Variants in HYAL4 observed in about 807,000 individuals in gnomAD.
The protein encoded by HYAL4 is hyaluronidase-4.
Under a neutral mutation model 35.2 loss-of-function variants are expected in HYAL4, and 37 were observed. That is an observed-to-expected ratio of 1.05 (90% CI 0.81 to 1.38). The LOEUF is 1.38. Among genes scored for constraint, HYAL4 ranks in the 40% most tolerant of loss-of-function variants. HYAL4 has a pLI of 0.00. For synonymous variants in HYAL4, 198 were observed against 203.2 expected (o/e 0.97, Z 0.22); for missense variants, 572 against 572.4 (o/e 1.00, Z 0.01).
At position 123,868,471 on chromosome 7, in the gene HYAL4, A is replaced by G. The variant is rs768959506; in HGVS notation, c.198A>G (p.Arg66=). 2 of 1,604,402 alleles carry G rather than the reference A, an allele frequency of 1.2e-6. No homozygotes were observed. Among genetic ancestry groups the G allele is most frequent in the Non-Finnish European group, 1.7e-6 (2 of 1,177,660 alleles). Residue 66 remains arginine (R), a synonymous_variant, in exon 3 of 5, where the codon AGA becomes AGG. Coordinates refer to ENST00000223026, the MANE Select transcript of HYAL4 (RefSeq NM_012269.3). ...AGTGTTTGATAAAATATAATTTAAGACTAAATTTGAAAATGTTTCCTGTGA... is the reference window on the plus strand; with the variant it reads ...AGTGTTTGATAAAATATAATTTAAGGCTAAATTTGAAAATGTTTCCTGTGA... ...TDQCLIKYNL[R]LNLKMFPVIG...
the HYAL4 span, among the ~76,000 whole-genome samples, chr7:123,799,292 GA>G: frequency 6.6e-6 from 1 of 151,640 alleles, no homozygotes; most frequent in African/African-American, 2.4e-5. Flanking sequence ...AATACAATCA[GA>G]AAAAAATTAA....
At chr7:123,794,007 CTTG>C in the HYAL4 span, among the ~76,000 whole-genome samples, 1 of 152,190 alleles carries the variant, frequency 6.6e-6, no homozygotes, top group Non-Finnish European at 1.5e-5. Context: ...TTCCTAGAAA[CTTG>C]TTGAATAGTT....
chr7:123,784,516 T>C, the HYAL4 span, among the ~76,000 whole-genome samples: 3 of 152,152 alleles, frequency 2.0e-5, no homozygotes, highest in African/African-American at 7.2e-5. Flanking sequence ...TTACTGTTGC[T>C]AAAGAAAGGA....
At chr7:123,808,930 A>C in the HYAL4 span, among the ~76,000 whole-genome samples, 2 of 152,170 alleles carry the variant, frequency 1.3e-5, no homozygotes, top group Admixed American at 1.3e-4. Flanking sequence ...GAGCCTTCCA[A>C]ATCATCTCCC....
At chr7:123,773,944 T>C in the HYAL4 span, among the ~76,000 whole-genome samples, 1 of 151,782 alleles carries the variant, frequency 6.6e-6, no homozygotes, top group Non-Finnish European at 1.5e-5. Flanking sequence ...CTGTTATGCA[T>C]GGCAGTCTGC....
rs1563007365 is a variant in HYAL4, at chr7:123,877,160, A to G, written c.*5A>G. ...TATCGAAGCATTCAGTTGTGAGATA[A>G]TTGAGTTTAAAGGGAATTGTGTGGC... On this transcript the variant is annotated 3_prime_UTR_variant, in exon 5 of 5. Transcript: ENST00000223026. 4.3e-6 allele frequency: 7 copies of G among 1,609,290 alleles called. No individual in the cohort carries two copies. In the Admixed American group the frequency reaches 1.2e-4, roughly 27 times the overall value.
chr7:123,855,400 G>C (rs187770410), intron 2 of HYAL4, among the ~76,000 whole-genome samples: 1 of 152,198 alleles, frequency 6.6e-6, no homozygotes, highest in East Asian at 1.9e-4. Flanking sequence ...AGGCCTGATG[G>C]TAACAAAATC....
At chr7:123,800,032 C>T in the HYAL4 span, among the ~76,000 whole-genome samples, 5 of 151,882 alleles carry the variant, frequency 3.3e-5, no homozygotes, top group African/African-American at 1.2e-4. Flanking sequence ...CATGGTGGTG[C>T]GCCTGTAGTT....
the HYAL4 span, among the ~76,000 whole-genome samples, chr7:123,783,242 A>G: frequency 6.6e-6 from 1 of 152,142 alleles, no homozygotes; most frequent in African/African-American, 2.4e-5. Context: ...ATCAGACATG[A>G]TCCTTTATGG....
chr7:123,808,590 T>C, the HYAL4 span, among the ~76,000 whole-genome samples: 2 of 152,156 alleles, frequency 1.3e-5, no homozygotes, highest in African/African-American at 4.8e-5. Context: ...AGAGACCTCA[T>C]AGAACTCTGA....
chr7:123,834,996 G>A (rs921384165), intron 1 of HYAL4, among the ~76,000 whole-genome samples: 4 of 151,910 alleles, frequency 2.6e-5, no homozygotes, highest in African/African-American at 9.7e-5. Flanking sequence ...ATTTTGTTAA[G>A]GATTTTTGTA....
At chr7:123,840,462 C>G (rs1806036716), upstream of HYAL4, among the ~76,000 whole-genome samples, 1 of 151,998 alleles carries the variant, frequency 6.6e-6, no homozygotes, top group African/African-American at 2.4e-5. Context: ...ATTGTCTTGG[C>G]AATGTGGGCT....
the HYAL4 span, among the ~76,000 whole-genome samples, chr7:123,780,206 A>G: frequency 1.3e-5 from 2 of 152,220 alleles, no homozygotes; most frequent in Admixed American, 6.5e-5. Flanking sequence ...TGGTGAGTAA[A>G]TAAGCTGCCT....
chr7:123,772,637 G>C, the HYAL4 span, among the ~76,000 whole-genome samples: 5 of 152,338 alleles, frequency 3.3e-5, no homozygotes, highest in African/African-American at 1.2e-4. Context: ...CTAGGAATTA[G>C]GGACAAAGCA....
the HYAL4 span, among the ~76,000 whole-genome samples, chr7:123,765,074 A>G: frequency 6.6e-6 from 1 of 152,216 alleles, no homozygotes; most frequent in African/African-American, 2.4e-5. Flanking sequence ...CTTATTTTGG[A>G]CATTTTGTTC....
chr7:123,786,937 G>A, the HYAL4 span, among the ~76,000 whole-genome samples: 38,504 of 151,346 alleles, frequency 0.25, 5,214 homozygotes, highest in Middle Eastern at 0.35. Context: ...GCAAAAACCC[G>A]TCTCTACTAA....
chr7:123,780,625 A>G, the HYAL4 span, among the ~76,000 whole-genome samples: 1 of 152,214 alleles, frequency 6.6e-6, no homozygotes, highest in Non-Finnish European at 1.5e-5. Context: ...TATGGTTGCC[A>G]CTGGTCACAT....
chr7:123,846,361 G>T lies in HYAL4; in HGVS notation c.-122+676G>T, dbSNP rs1339213668. On this transcript the variant is annotated intron_variant, in intron 1 of 4. Transcript: ENST00000223026. The stretch of plus-strand genomic sequence containing the variant: ...TGGGGGTGTTGTTCCCAGGCCAATG[G>T]TGTTATATTCCCAGGAGGATTAGGG... Among the ~76,000 whole-genome samples the T allele has an allele frequency of 2.0e-5, 3 of 152,072 alleles. No individual in the cohort carries two copies. In the East Asian group the frequency reaches 5.8e-4, roughly 29 times the overall value.
the HYAL4 span, among the ~76,000 whole-genome samples, chr7:123,809,581 T>C: frequency 2.0e-5 from 3 of 151,888 alleles, no homozygotes; most frequent in Admixed American, 6.6e-5. Flanking sequence ...TTCTTTTTTG[T>C]AGAGACAGGG....
Sources: gnomAD v4.1 joint callset for allele counts (sites outside exome capture counted in the v4.1 genomes callset) on GRCh38, gnomAD v4.1.1 for gene constraint, MANE v1.5 for transcripts, NCBI Gene and HGNC (gene_info 2026-07-23, HGNC 2026-07-21) for gene names.